Variants in STX2 observed in about 807,000 individuals in gnomAD.
STX2 encodes syntaxin-2.
A neutral mutation model predicts 40.6 loss-of-function variants in STX2; 27 were observed. That is an observed-to-expected ratio of 0.66 (90% CI 0.49 to 0.92). STX2 has a LOEUF of 0.92. Ranked by LOEUF, STX2 falls within the 40% of genes least tolerant of loss-of-function variation. STX2 has a pLI of 0.00. For synonymous variants in STX2, 123 were observed against 119.1 expected (o/e 1.03, Z -0.22); for missense variants, 328 against 366.1 (o/e 0.90, Z 0.85).
chr12:130,819,779 A>C (rs1179663170), intron 3 of STX2, among the ~76,000 whole-genome samples: 1 of 152,236 alleles, frequency 6.6e-6, no homozygotes, highest in Non-Finnish European at 1.5e-5. Context: ...AAGCCTTCTC[A>C]GAGCCTTGAT....
chr12:130,817,846 T>A (rs1951918159), intron 3 of STX2, among the ~76,000 whole-genome samples: 1 of 151,896 alleles, frequency 6.6e-6, no homozygotes, highest in Non-Finnish European at 1.5e-5. Flanking sequence ...AATACTAAAC[T>A]GAGGATAATT....
intron 1 of STX2, among the ~76,000 whole-genome samples, chr12:130,838,423 G>C (rs11061161): frequency 0.063 from 9,654 of 152,268 alleles, 406 homozygotes; most frequent in Non-Finnish European, 0.092. Flanking sequence ...GGCGCGTAAG[G>C]TGCGTTCAGA....
intron 10 of STX2, among the ~76,000 whole-genome samples, chr12:130,794,324 G>T (rs1950964230): frequency 6.7e-6 from 1 of 149,640 alleles, no homozygotes; most frequent in South Asian, 2.1e-4. Flanking sequence ...AAAATAGACG[G>T]TAAGAGAGTT....
chr12:130,800,034 G>A (rs1352071664), intron 8 of STX2, among the ~76,000 whole-genome samples: 3 of 152,054 alleles, frequency 2.0e-5, no homozygotes, highest in South Asian at 2.1e-4. Context: ...AAACAGATCC[G>A]AAACCAGGCT....
chr12:130,816,941 C>T (rs1340876328), intron 3 of STX2, among the ~76,000 whole-genome samples: 1 of 152,182 alleles, frequency 6.6e-6, no homozygotes, highest in East Asian at 1.9e-4. Context: ...TAAATCATCT[C>T]AATCCCTAAA....
At chr12:130,832,751 C>A (rs573441300) in intron 1 of STX2, among the ~76,000 whole-genome samples, 2 of 152,360 alleles carry the variant, frequency 1.3e-5, no homozygotes, top group East Asian at 3.9e-4. Context: ...CCTCAGCTCA[C>A]TCACGTCTCA....
intron 9 of STX2, among the ~76,000 whole-genome samples, chr12:130,796,471 G>T (rs1485394021): frequency 6.6e-6 from 1 of 152,122 alleles, no homozygotes; most frequent in Non-Finnish European, 1.5e-5. Flanking sequence ...GGGCAACAGA[G>T]CAAGACTCCA....
At chr12:130,834,944 C>T (rs1417880960) in intron 1 of STX2, among the ~76,000 whole-genome samples, 1 of 152,176 alleles carries the variant, frequency 6.6e-6, no homozygotes, top group African/African-American at 2.4e-5. Context: ...CATGAGCTGT[C>T]AAAAAATAAC....
intron 2 of STX2, among the ~76,000 whole-genome samples, chr12:130,825,043 T>C (rs1952250348): frequency 6.9e-6 from 1 of 145,190 alleles, no homozygotes; most frequent in African/African-American, 2.5e-5. Context: ...TTTCTGTTCT[T>C]TTTTTTTTTT....
chr12:130,817,034 G>A (rs1415752040), intron 3 of STX2, among the ~76,000 whole-genome samples: 1 of 151,846 alleles, frequency 6.6e-6, no homozygotes, highest in East Asian at 1.9e-4. Flanking sequence ...ATACCATTCA[G>A]GACTCAAATT....
In STX2 at chr12:130,827,276, A is replaced by G. The variant is rs563639638; in HGVS notation, c.31-9T>C. ...TCATCATTCTTCCTACACTACAATGAAAAATGGAAAATTCAGTTTTTTAAA... is the reference window on the plus strand; with the variant it reads ...TCATCATTCTTCCTACACTACAATGGAAAATGGAAAATTCAGTTTTTTAAA... On this transcript the variant is annotated splice_polypyrimidine_tract_variant and intron_variant, in intron 1 of 10. Coordinates refer to ENST00000392373, the MANE Select transcript of STX2 (RefSeq NM_194356.4). The G allele has an allele frequency of 2.5e-6, 4 of 1,611,134 alleles. No homozygotes were observed. Among genetic ancestry groups the G allele is most frequent in the East Asian group, 4.5e-5 (2 of 44,878 alleles).
intron 4 of STX2, chr12:130,812,748 T>G: frequency 2.3e-6 from 1 of 433,082 alleles, no homozygotes; most frequent in Non-Finnish European, 4.1e-6. Flanking sequence ...TGAAATGTCA[T>G]CAAAAATGTA....
intron 6 of STX2, among the ~76,000 whole-genome samples, chr12:130,803,208 A>C (rs913560126): frequency 2.6e-5 from 4 of 152,194 alleles, no homozygotes; most frequent in African/African-American, 9.6e-5. Flanking sequence ...ATCATTTAAA[A>C]ATCTATTTGA....
intron 6 of STX2, among the ~76,000 whole-genome samples, chr12:130,806,672 G>A (rs545757544): frequency 2.0e-5 from 3 of 152,250 alleles, no homozygotes; most frequent in Admixed American, 6.5e-5. Flanking sequence ...AGATGCCCCC[G>A]AACCAGGGCA....
chr12:130,805,369 G>A (rs908577065), intron 6 of STX2, among the ~76,000 whole-genome samples: 35 of 152,188 alleles, frequency 2.3e-4, no homozygotes, highest in Non-Finnish European at 3.8e-4. Flanking sequence ...GCCCTCAGAC[G>A]GAACTCTCGT....
chr12:130,824,731 T>C (rs918985853), intron 2 of STX2, among the ~76,000 whole-genome samples: 6 of 152,370 alleles, frequency 3.9e-5, no homozygotes, highest in African/African-American at 1.4e-4. Context: ...AATTCATTTC[T>C]CTTGCAAACT....
chr12:130,808,346 T>G (rs1951520112), intron 5 of STX2, among the ~76,000 whole-genome samples: 1 of 152,102 alleles, frequency 6.6e-6, no homozygotes, highest in Non-Finnish European at 1.5e-5. Context: ...TCCTGCCCGC[T>G]CTTTCCCCTT....
At chr12:130,816,555 C>G (rs78204480) in intron 3 of STX2, among the ~76,000 whole-genome samples, 7,021 of 152,300 alleles carry the variant, frequency 0.046, 504 homozygotes, top group African/African-American at 0.15. Flanking sequence ...GGAACCTCCT[C>G]TTCCAGCGGC....
chr12:130,791,106 T>C lies in STX2; in HGVS notation c.*917A>G, dbSNP rs1456644309. ...TTATAAACATTTAAAATTATAGATA[T>C]CTTACAAAAACGTGATAAAAATTAT... On this transcript the variant is annotated 3_prime_UTR_variant, in exon 11 of 11. Transcript: ENST00000392373. 6.6e-6 allele frequency: 1 copy of C among 152,114 alleles called. No homozygotes were observed. The highest frequency in any genetic ancestry group is 2.4e-5 in the African/African-American group (1 of 41,412). The allele number at this position is 152,114 out of a possible 1,614,324, so 9.4% of individuals were successfully genotyped here.
Sources: allele counts gnomAD v4.1 joint callset (sites outside exome capture counted in the v4.1 genomes callset), GRCh38; gene constraint gnomAD v4.1.1; transcripts MANE v1.5; gene names NCBI Gene and HGNC (gene_info 2026-07-23, HGNC 2026-07-21).